The following AKAP19 variants were observed in gnomAD, a reference collection of about 807,000 sequenced individuals.
AKAP19 encodes the protein small A-kinase anchoring protein.
the AKAP19 span, among the ~76,000 whole-genome samples, chr2:190,165,625 G>A: frequency 4.3e-3 from 660 of 151,926 alleles, 5 homozygotes; most frequent in Admixed American, 7.5e-3. Flanking sequence ...ATATAGAGAT[G>A]GAAAAATGTG....
At chr2:190,008,613 A>C in the AKAP19 span, among the ~76,000 whole-genome samples, 1 of 152,182 alleles carries the variant, frequency 6.6e-6, no homozygotes, top group East Asian at 1.9e-4. Context: ...TTAAAATCCC[A>C]GCTTATGCAC....
At chr2:190,019,704 T>C in the AKAP19 span, among the ~76,000 whole-genome samples, 1 of 152,108 alleles carries the variant, frequency 6.6e-6, no homozygotes, top group South Asian at 2.1e-4. Context: ...CTCAGAATAC[T>C]TTGACAACTG....
the AKAP19 span, among the ~76,000 whole-genome samples, chr2:190,014,485 C>T: frequency 6.6e-6 from 1 of 152,134 alleles, no homozygotes; most frequent in Non-Finnish European, 1.5e-5. Context: ...CCACCATGTC[C>T]CTCCCTCAAC....
At chr2:189,948,497 C>T in the AKAP19 span, among the ~76,000 whole-genome samples, 2 of 152,102 alleles carry the variant, frequency 1.3e-5, no homozygotes, top group Non-Finnish European at 2.9e-5. Flanking sequence ...AGTTTTGCTC[C>T]CCTGCATTAC....
the AKAP19 span, among the ~76,000 whole-genome samples, chr2:190,160,342 T>G: frequency 1.3e-5 from 2 of 152,200 alleles, no homozygotes; most frequent in Non-Finnish European, 2.9e-5. Flanking sequence ...AATAAGATTT[T>G]TTTTTTAACC....
At chr2:190,050,799 G>A in the AKAP19 span, among the ~76,000 whole-genome samples, 7 of 152,172 alleles carry the variant, frequency 4.6e-5, no homozygotes, top group African/African-American at 1.7e-4. Context: ...GGAAGAGAGA[G>A]GCTTCAGACA....
chr2:190,113,252 C>T, the AKAP19 span, among the ~76,000 whole-genome samples: 21 of 152,130 alleles, frequency 1.4e-4, no homozygotes, highest in African/African-American at 4.1e-4. Flanking sequence ...TGATATTCTC[C>T]TTAATTTGCT....
At chr2:190,182,826 AG>A in the AKAP19 span, among the ~76,000 whole-genome samples, 1 of 152,222 alleles carries the variant, frequency 6.6e-6, no homozygotes, top group Non-Finnish European at 1.5e-5. Context: ...ACAAAAATAA[AG>A]GTAGGCTTTA....
chr2:190,062,577 C>T, the AKAP19 span: 1 of 1,612,254 alleles, frequency 6.2e-7, no homozygotes, highest in Non-Finnish European at 8.5e-7. Context: ...AATATAAACA[C>T]AGAGTTGCAG....
the AKAP19 span, among the ~76,000 whole-genome samples, chr2:190,149,279 C>CT: frequency 0.011 from 1,591 of 151,458 alleles, 21 homozygotes; most frequent in African/African-American, 0.036. Flanking sequence ...AAAGAACCAG[C>CT]TTTTTTTTTC....
chr2:189,900,744 C>A, the AKAP19 span, among the ~76,000 whole-genome samples: 1 of 152,020 alleles, frequency 6.6e-6, no homozygotes, highest in African/African-American at 2.4e-5. Flanking sequence ...AAAGAATTTA[C>A]CAAGACAGTT....
chr2:189,897,845 T>C, the AKAP19 span, among the ~76,000 whole-genome samples: 1 of 152,158 alleles, frequency 6.6e-6, no homozygotes, highest in South Asian at 2.1e-4. Flanking sequence ...TGTTGAATAA[T>C]TTAGAAGTTA....
chr2:190,158,598 G>C, the AKAP19 span, among the ~76,000 whole-genome samples: 3 of 152,092 alleles, frequency 2.0e-5, no homozygotes, highest in African/African-American at 7.2e-5. Flanking sequence ...AAATTCCTGA[G>C]GGGATTCATA....
chr2:190,202,020 G>GTTT, the AKAP19 span: 2 of 167,024 alleles, frequency 1.2e-5, no homozygotes, highest in Admixed American at 6.6e-5. Context: ...ACAAAGCCAG[G>GTTT]TAAAGCAGCA....
chr2:189,914,575 G>T, the AKAP19 span, among the ~76,000 whole-genome samples: 1 of 151,990 alleles, frequency 6.6e-6, no homozygotes, highest in Non-Finnish European at 1.5e-5. Context: ...TGATGAGTAT[G>T]CAAGTTATTT....
At chr2:190,189,521 C>T in the AKAP19 span, among the ~76,000 whole-genome samples, 18 of 152,226 alleles carry the variant, frequency 1.2e-4, no homozygotes, top group South Asian at 2.1e-4. Context: ...TTAATAGATA[C>T]GGCTAAACCA....
At chr2:190,143,401 A>G in the AKAP19 span, among the ~76,000 whole-genome samples, 1 of 151,818 alleles carries the variant, frequency 6.6e-6, no homozygotes, top group East Asian at 1.9e-4. Context: ...GCTCCTAGTC[A>G]TCCTGTAGAT....
the AKAP19 span, among the ~76,000 whole-genome samples, chr2:190,017,837 G>A: frequency 1.3e-5 from 2 of 152,142 alleles, no homozygotes; most frequent in Non-Finnish European, 2.9e-5. Flanking sequence ...GTAAGAGGCA[G>A]GCTTAGCGGT....
At chr2:189,908,933 A>G in the AKAP19 span, among the ~76,000 whole-genome samples, 2 of 152,078 alleles carry the variant, frequency 1.3e-5, no homozygotes. Flanking sequence ...TGGATGACCT[A>G]TCCATTCTTA....
Sources: gnomAD v4.1 joint callset for allele counts (sites outside exome capture counted in the v4.1 genomes callset) on GRCh38, gnomAD v4.1.1 for gene constraint, MANE v1.5 for transcripts, NCBI Gene and HGNC (gene_info 2026-07-23, HGNC 2026-07-21) for gene names.